The following PCDHGA2 variants were observed in gnomAD, a reference collection of about 807,000 sequenced individuals.
The protein encoded by PCDHGA2 is protocadherin gamma subfamily A, 2.
PCDHGA2 carries 40 observed loss-of-function variants against 59.2 expected under a neutral mutation model. That is an observed-to-expected ratio of 0.68 (90% CI 0.52 to 0.88). PCDHGA2 has a LOEUF of 0.88. PCDHGA2 is among the 40% of genes least tolerant of loss of function. The pLI, the probability that PCDHGA2 is intolerant of heterozygous loss-of-function variation, is 0.00. For synonymous variants in PCDHGA2, 560 were observed against 526.0 expected (o/e 1.06, Z -0.89); for missense variants, 1,226 against 1,204.0 (o/e 1.02, Z -0.27).
rs369129764 is a variant in PCDHGA2, at chr5:141,357,546, G to C, written c.2424+16151G>C. ...GCTATGCAGACACGCTCATCAGCCG[G>C]GAGAGTTGTGAGAAAAGCGAGCCTC... On this transcript the variant is annotated intron_variant, in intron 1 of 3. Coordinates refer to ENST00000394576, the MANE Select transcript of PCDHGA2 (RefSeq NM_018915.4). The C allele has an allele frequency of 2.6e-4, 415 of 1,614,182 alleles. 2 individuals are homozygous for C. The African/African-American group carries it at 4.6e-3, about 18-fold the overall frequency.
chr5:141,374,061 G>T, intron 1 of PCDHGA2: 1 of 1,493,670 alleles, frequency 6.7e-7, no homozygotes, highest in Non-Finnish European at 8.9e-7. Flanking sequence ...CTTAATCCCA[G>T]AGAAGTTCCT....
chr5:141,388,708 C>A lies in PCDHGA2; in HGVS notation c.2424+47313C>A, dbSNP rs764003797. On this transcript the variant is annotated intron_variant, in intron 1 of 3. Transcript: ENST00000394576. ...ACGGACCAGGATGAGGGTGTCAATG[C>A]CGAGATTACTTTCTCTTTCAGTGAA... 1.9e-6 allele frequency: 3 copies of A among 1,613,842 alleles called. No individual in the cohort carries two copies. The highest frequency in any genetic ancestry group is 2.5e-6 in the Non-Finnish European group (3 of 1,179,882).
At chr5:141,506,735 G>A (rs1467217136) in intron 3 of PCDHGA2, among the ~76,000 whole-genome samples, 1 of 152,098 alleles carries the variant, frequency 6.6e-6, no homozygotes, top group Non-Finnish European at 1.5e-5. Context: ...TTAGAATAAT[G>A]CCTATTAATA....
intron 1 of PCDHGA2, chr5:141,388,238 C>T (rs546808390): frequency 4.8e-5 from 77 of 1,607,582 alleles, no homozygotes; most frequent in Non-Finnish European, 6.4e-5. Flanking sequence ...ACTTTTATCA[C>T]GTGAATGTGG....
chr5:141,372,752 T>C (rs746659165), intron 1 of PCDHGA2: 9 of 1,613,300 alleles, frequency 5.6e-6, no homozygotes, highest in Non-Finnish European at 7.6e-6. Flanking sequence ...ATGAAGCCTC[T>C]TGGTTTGAAA....
At chr5:141,376,676 G>GTTTTTTTTTTTTTTTTTTTTTTT (rs67197835) in intron 1 of PCDHGA2, 2 of 275,812 alleles carry the variant, frequency 7.3e-6, no homozygotes, top group Admixed American at 6.8e-5. Context: ...TGAGGGTATC[G>GTTTTTTTTTTTTTTTTTTTTTTT]TTTTTTTTTT....
chr5:141,360,819 C>A (rs1761756453), intron 1 of PCDHGA2: 6 of 1,613,870 alleles, frequency 3.7e-6, no homozygotes. Context: ...CGACCCAAAT[C>A]CGAATCAAAG....
intron 1 of PCDHGA2, chr5:141,341,801 A>T: frequency 3.4e-6 from 1 of 290,738 alleles, no homozygotes; most frequent in Non-Finnish European, 6.4e-6. Flanking sequence ...TATGACTCTT[A>T]CTCTATATTT....
intron 1 of PCDHGA2, chr5:141,400,677 ATTGTGAGTT>A (rs1177028391): frequency 1.1e-6 from 1 of 900,130 alleles, no homozygotes; most frequent in African/African-American, 1.7e-5. Flanking sequence ...GGAGCAGTAA[ATTGTGAGTT>A]TTTATGTCGC....
chr5:141,438,760 C>T (rs1346379482), intron 1 of PCDHGA2, among the ~76,000 whole-genome samples: 4 of 148,802 alleles, frequency 2.7e-5, no homozygotes, highest in South Asian at 2.1e-4. Context: ...CTCCTGGGTT[C>T]AAGCGATTCT....
chr5:141,376,266 C>T (rs200515281), intron 1 of PCDHGA2: 171 of 1,614,088 alleles, frequency 1.1e-4, no homozygotes, highest in Non-Finnish European at 1.3e-4. Context: ...CTGCAGGCTT[C>T]GGGAGGTGGC....
At chr5:141,414,338 G>C in intron 1 of PCDHGA2, 1 of 1,613,832 alleles carries the variant, frequency 6.2e-7, no homozygotes, top group Non-Finnish European at 8.5e-7. Context: ...CAGGTAACCT[G>C]TTCCATTTTG....
At position 141,422,923 on chromosome 5, in the gene PCDHGA2, C is replaced by T. The variant is rs188787674; in HGVS notation, c.2425-71884C>T. The T allele has an allele frequency of 1.6e-5, 26 of 1,614,252 alleles. No homozygotes were observed. In the East Asian group the frequency reaches 2.5e-4, roughly 15 times the overall value. On this transcript the variant is annotated intron_variant, in intron 1 of 3. Coordinates refer to ENST00000394576, the MANE Select transcript of PCDHGA2 (RefSeq NM_018915.4). ...CGACAATGCGCCCGAGATCCTGTAC[C>T]CTGCCCTCCCCACAGACGGCTCCAC...
At chr5:141,393,228 G>C (rs753113857) in intron 1 of PCDHGA2, 2 of 1,613,720 alleles carry the variant, frequency 1.2e-6, no homozygotes, top group East Asian at 2.2e-5. Context: ...CGAAGATCTA[G>C]AAGTAAAAAT....
intron 1 of PCDHGA2, chr5:141,418,535 G>A: frequency 6.2e-7 from 1 of 1,614,002 alleles, no homozygotes. Context: ...AAGCGGTACT[G>A]CTCAGATAAG....
intron 1 of PCDHGA2, chr5:141,346,106 G>A: frequency 6.2e-7 from 1 of 1,613,872 alleles, no homozygotes; most frequent in Non-Finnish European, 8.5e-7. Flanking sequence ...ACCTCACTCT[G>A]TACCTGGTGG....
At position 141,338,956 on chromosome 5, in the gene PCDHGA2, T is replaced by G. The variant is rs1756792863; in HGVS notation, c.-16T>G. The G allele has an allele frequency of 6.6e-7, 1 of 1,524,536 alleles. No homozygotes were observed. The highest frequency in any genetic ancestry group is 2.2e-5 in the Admixed American group (1 of 45,996). 94.4% of individuals were successfully genotyped at this position (1,524,536 alleles called of 1,614,324 possible). On this transcript the variant is annotated 5_prime_UTR_variant, in exon 1 of 4. Coordinates refer to ENST00000394576, the MANE Select transcript of PCDHGA2 (RefSeq NM_018915.4). Reference sequence around the variant, plus strand: ...ATGCTGGAAGTTGACTCGGAGAAAATTGCGACAGGAGGGAAATGGCGGCTC... The same window carrying G: ...ATGCTGGAAGTTGACTCGGAGAAAAGTGCGACAGGAGGGAAATGGCGGCTC...
At chr5:141,443,312 C>T (rs1296976995) in intron 1 of PCDHGA2, among the ~76,000 whole-genome samples, 2 of 115,698 alleles carry the variant, frequency 1.7e-5, no homozygotes, top group Non-Finnish European at 3.3e-5. Flanking sequence ...AAAAACCCAT[C>T]TCTACAAAAA....
chr5:141,372,804 CA>C lies in PCDHGA2; in HGVS notation c.2424+31413del. The C allele has an allele frequency of 2.5e-6, 4 of 1,592,244 alleles. No homozygotes were observed. In the Middle Eastern group the frequency reaches 6.7e-4, roughly 266 times the overall value. On this transcript the variant is annotated intron_variant, in intron 1 of 3. Coordinates refer to ENST00000394576, the MANE Select transcript of PCDHGA2 (RefSeq NM_018915.4). ...AATGCCTTCTAATTCAGGCAATTTG[CA>C]AAAGGTGAGTTTCTTCAAACCTTTC...
Sources: gnomAD v4.1 joint callset for allele counts (sites outside exome capture counted in the v4.1 genomes callset) on GRCh38, gnomAD v4.1.1 for gene constraint, MANE v1.5 for transcripts, NCBI Gene and HGNC (gene_info 2026-07-23, HGNC 2026-07-21) for gene names.